The following MDC1 variants were observed in gnomAD, a reference collection of about 807,000 sequenced individuals.
The protein encoded by MDC1 is mediator of DNA damage checkpoint 1.
A neutral mutation model predicts 142.5 loss-of-function variants in MDC1; 81 were observed. That is an observed-to-expected ratio of 0.57 (90% confidence interval 0.47 to 0.68). The LOEUF (loss-of-function observed/expected upper bound fraction) is 0.68. Ranked by LOEUF, MDC1 falls within the 30% of genes least tolerant of loss-of-function variation. The pLI is 0.00. For synonymous variants in MDC1, 797 were observed against 968.4 expected, an observed-to-expected ratio of 0.82 and a Z score of 3.29; for missense variants, 2,119 against 2,547.9, an observed-to-expected ratio of 0.83 and a Z score of 3.62.
rs1775009805 is a variant in MDC1, at chr6:30,712,162, C to G, written c.1780G>C (p.Asp594His). 6.2e-7 allele frequency: 1 copy of G among 1,612,764 alleles called. No homozygotes were observed. The highest frequency in any genetic ancestry group is 1.3e-5 in the African/African-American group (1 of 75,074). The change falls in exon 5 of 15, where the codon GAT (aspartate) becomes CAT (histidine). Residue 594 changes from aspartate to histidine, a missense_variant. Coordinates refer to ENST00000376406, the MANE Select transcript of MDC1 (RefSeq NM_014641.3). This position sits in a 1 kb window ranked among gnomAD's most constrained non-coding sequence, Gnocchi z 4.7. Reference sequence around the variant, plus strand: ...GCTGGAAGCTGGCTCTTTCTTACATCTGCAACTACTGAGGCTGTTAGGGAG... The same window carrying G: ...GCTGGAAGCTGGCTCTTTCTTACATGTGCAACTACTGAGGCTGTTAGGGAG... ...GTSLTASVVA[D>H]VRKSQLPAEG...
chr6:30,709,647 A>G lies in MDC1; in HGVS notation c.2222-1290T>C, dbSNP rs1273215776. Among the ~76,000 whole-genome samples the G allele has an allele frequency of 2.0e-5, 3 of 152,086 alleles. No individual in the cohort carries two copies. The highest frequency in any genetic ancestry group is 4.4e-5 in the Non-Finnish European group (3 of 68,008). The stretch of plus-strand genomic sequence containing the variant: ...ACTGGATTTTTGTATTCATTAACCA[A>G]CCTCTTTATGCATTCTGTCCCTCTA... On this transcript the variant is annotated intron_variant, in intron 7 of 14. Coordinates refer to ENST00000376406, the MANE Select transcript of MDC1 (RefSeq NM_014641.3). This position sits in a 1 kb window ranked among gnomAD's most constrained non-coding sequence, Gnocchi z 4.2.
rs1013296954 is a variant in MDC1, at chr6:30,713,588, C to T, written c.587+60G>A. The T allele has an allele frequency of 6.6e-7, 1 of 1,526,412 alleles. No individual in the cohort carries two copies. Among genetic ancestry groups the T allele is most frequent in the Non-Finnish European group, 9.0e-7 (1 of 1,108,978 alleles). 94.6% of individuals were successfully genotyped at this position (1,526,412 alleles called of 1,614,324 possible). A position where few individuals can be genotyped will look rare whatever the true frequency, so the allele number is the denominator to read the frequency against. ...TAATCATCTCTTTTAGAGATTGATC[C>T]TCCAGCCCCTGGTTCTTCCTCATTT... On this transcript the variant is annotated intron_variant, in intron 4 of 14. Coordinates refer to ENST00000376406, the MANE Select transcript of MDC1 (RefSeq NM_014641.3). The surrounding 1 kb of genome is among the most constrained non-coding windows in gnomAD (Gnocchi z 4.9).
intron 9 of MDC1, among the ~76,000 whole-genome samples, chr6:30,706,656 T>G (rs1581570752): frequency 3.1e-4 from 33 of 107,542 alleles, no homozygotes; most frequent in South Asian, 9.1e-4. Context: ...ATTAGCTAGG[T>G]GTGTTGGCAG....
chr6:30,709,527 C>T lies in MDC1; in HGVS notation c.2222-1170G>A, dbSNP rs1400702677. Among the ~76,000 whole-genome samples, 2 of 152,228 alleles carry T rather than the reference C, an allele frequency of 1.3e-5. No homozygotes were observed. The highest frequency in any genetic ancestry group is 2.9e-5 in the Non-Finnish European group (2 of 68,036). ...TCATTTCTTTGTCTTGGAAACATAT[C>T]AAATCTCTTCTAGCTATTTTGAAAT... On this transcript the variant is annotated intron_variant, in intron 7 of 14. Coordinates refer to ENST00000376406, the MANE Select transcript of MDC1 (RefSeq NM_014641.3). This position sits in a 1 kb window ranked among gnomAD's most constrained non-coding sequence, Gnocchi z 4.2.
At position 30,712,712 on chromosome 6, in the gene MDC1, G is replaced by T; in HGVS notation, c.1230C>A (p.Val410=). 1 of 1,613,054 alleles carries T rather than the reference G, an allele frequency of 6.2e-7. No individual in the cohort carries two copies. The highest frequency in any genetic ancestry group is 1.1e-5 in the South Asian group (1 of 91,080). The change falls in exon 5 of 15, where the codon GTC becomes GTA. Residue 410 remains valine, a synonymous_variant. Coordinates refer to ENST00000376406, the MANE Select transcript of MDC1 (RefSeq NM_014641.3). The surrounding 1 kb of genome is among the most constrained non-coding windows in gnomAD (Gnocchi z 4.7). The part of the protein sequence containing the change: ...INSDTDDEEE[V]SAALTLAHLK... ...GATGTGCCAAAGTCAGCGCTGCTGA[G>T]ACTTCTTCCTCGTCATCTGTATCGC...
At position 30,702,609 on chromosome 6, in the gene MDC1, C is replaced by G; in HGVS notation, c.6046G>C (p.Glu2016Gln). 1 of 1,611,436 alleles carries G rather than the reference C, an allele frequency of 6.2e-7. No individual in the cohort carries two copies. The highest frequency in any genetic ancestry group is 8.5e-7 in the Non-Finnish European group (1 of 1,179,218). Residue 2016 changes from glutamate (E) to glutamine (Q), a missense_variant, in exon 14 of 15, where the codon GAG becomes CAG. Physicochemically the swap from Glu to Gln is conservative, Grantham distance 29. Coordinates refer to ENST00000376406, the MANE Select transcript of MDC1 (RefSeq NM_014641.3). The part of the protein sequence containing the change: ...GVQPPPPQMG[E>Q]IISCCGGTYL... Reference sequence around the variant, plus strand: ...GTGCCTCCACAGCAGCTAATAATCTCTCCCATCTGAGGTGGTGGTGGCTGG... The same window carrying G: ...GTGCCTCCACAGCAGCTAATAATCTGTCCCATCTGAGGTGGTGGTGGCTGG...
chr6:30,708,382 A>AGAGAGG (rs1342688555), intron 7 of MDC1, 25 bp from the exon 8 acceptor site: 1 of 1,583,120 alleles, frequency 6.3e-7, no homozygotes, highest in Non-Finnish European at 8.6e-7. Context: ...AGGAAGAGAG[A>AGAGAGG]GAGAGGGAGA....
At position 30,713,664 on chromosome 6, in the gene MDC1, C is replaced by G; in HGVS notation, c.571G>C (p.Val191Leu). 1 of 1,614,206 alleles carries G rather than the reference C, an allele frequency of 6.2e-7. No homozygotes were observed. The highest frequency in any genetic ancestry group is 8.5e-7 in the Non-Finnish European group (1 of 1,180,010). ...GGCACTCACCTCTCTGGAACTATCA[C>G]AGAGGAAGATGTGGTCCTTGATTTT... Reference protein sequence around the residue: ...VKKSRTTSSSVIVPESDEEGH... With the variant: ...VKKSRTTSSSLIVPESDEEGH... Residue 191 changes from valine to leucine, a missense_variant, in exon 4 of 15, where the codon GTG becomes CTG. Transcript: ENST00000376406. The surrounding 1 kb of genome is among the most constrained non-coding windows in gnomAD (Gnocchi z 4.9).
In MDC1 at chr6:30,709,970, G is replaced by A. The variant is rs769546167; in HGVS notation, c.2221+1442C>T. Among the ~76,000 whole-genome samples the A allele has an allele frequency of 6.6e-6, 1 of 150,668 alleles. No individual in the cohort carries two copies. The highest frequency in any genetic ancestry group is 1.5e-5 in the Non-Finnish European group (1 of 67,650). On this transcript the variant is annotated intron_variant, in intron 7 of 14. Transcript: ENST00000376406. The surrounding 1 kb of genome is among the most constrained non-coding windows in gnomAD (Gnocchi z 4.2). ...GACCTCAGCTCACTGCAACCTCTGCGTCTTAGGCAGCAATCCTCCCATCTT... is the reference window on the plus strand; with the variant it reads ...GACCTCAGCTCACTGCAACCTCTGCATCTTAGGCAGCAATCCTCCCATCTT...
rs1395319889 is a variant in MDC1 at position 30,715,217 on chromosome 6, G to C, written c.-3-39C>G. 6.2e-7 allele frequency: 1 copy of C among 1,611,394 alleles called. No individual in the cohort carries two copies. The highest frequency in any genetic ancestry group is 1.3e-5 in the African/African-American group (1 of 74,992). On this transcript the variant is annotated intron_variant, in intron 1 of 14. Coordinates refer to ENST00000376406, the MANE Select transcript of MDC1 (RefSeq NM_014641.3). This position sits in a 1 kb window ranked among gnomAD's most constrained non-coding sequence, Gnocchi z 4.1. The stretch of plus-strand genomic sequence containing the variant: ...ACATTATCAATTATCCTCATTATTG[G>C]TTCACACAAACAGCATCAGAGTTAT...
In MDC1 at chr6:30,711,673, G is replaced by A. The variant is rs1426178284; in HGVS notation, c.2122C>T (p.Leu708=). The A allele has an allele frequency of 6.2e-7, 1 of 1,612,918 alleles. No individual in the cohort carries two copies. The highest frequency in any genetic ancestry group is 8.5e-7 in the Non-Finnish European group (1 of 1,179,986). ...ATAACACAGAAGTCCTCACCTTCCA[G>A]GCCCTGATTCTCCAGAAAGCACTGG... ...ATQCFLENQG[L]EAVQSMEDEP... is the part of the protein sequence containing the mutation. The change falls in exon 6 of 15, where the codon CTG becomes TTG. Residue 708 remains leucine (L), a synonymous_variant. Coordinates refer to ENST00000376406, the MANE Select transcript of MDC1 (RefSeq NM_014641.3).
chr6:30,712,171 C>T lies in MDC1; in HGVS notation c.1771G>A (p.Val591Ile). The T allele has an allele frequency of 6.2e-7, 1 of 1,612,838 alleles. No individual in the cohort carries two copies. Among genetic ancestry groups the T allele is most frequent in the Non-Finnish European group, 8.5e-7 (1 of 1,180,006 alleles). ...AEEGTSLTAS[V>I]VADVRKSQLP... ...TGGCTCTTTCTTACATCTGCAACTA[C>T]TGAGGCTGTTAGGGAGGTGCCCTCC... is the stretch of plus-strand genomic sequence containing the variant. The change falls in exon 5 of 15, where the codon GTA (valine) becomes ATA (isoleucine). Residue 591 changes from valine to isoleucine, a missense_variant. Val to Ile is a conservative substitution (Grantham distance 29, BLOSUM62 3). Coordinates refer to ENST00000376406, the MANE Select transcript of MDC1 (RefSeq NM_014641.3). The surrounding 1 kb of genome is among the most constrained non-coding windows in gnomAD (Gnocchi z 4.7).
chr6:30,717,031 TC>T, intron 1 of MDC1: 1 of 452,336 alleles, frequency 2.2e-6, no homozygotes, highest in Non-Finnish European at 2.9e-6. Context: ...CCATCTTTGG[TC>T]CCCACCTCAG....
chr6:30,710,126 T>C (rs188414738), intron 7 of MDC1, among the ~76,000 whole-genome samples: 1 of 152,140 alleles, frequency 6.6e-6, no homozygotes. Flanking sequence ...TCTCACTCTG[T>C]TGCCCATGTT....
chr6:30,706,085 G>A lies in MDC1; in HGVS notation c.3098C>T (p.Ser1033Phe), dbSNP rs541015349. The A allele has an allele frequency of 5.1e-5, 81 of 1,587,272 alleles. No individual in the cohort carries two copies. The highest frequency in any genetic ancestry group is 3.1e-4 in the East Asian group (14 of 44,842). ...TGTAGGAGGCAGACAAGCATCTGGA[G>A]ATTCCTGATCGCCCTAGGGAGAAAC... ...AEKVSRGDQESPDACLPPTVP... is the reference protein window; with the variant it reads ...AEKVSRGDQEFPDACLPPTVP... Residue 1033 changes from serine to phenylalanine, a missense_variant, in exon 10 of 15, where the codon TCT (serine) becomes TTT (phenylalanine). Ser to Phe is a radical substitution (Grantham distance 155). Transcript: ENST00000376406.
chr6:30,711,420 T>C lies in MDC1; in HGVS notation c.2213A>G (p.Gln738Arg), dbSNP rs145055079. The C allele has an allele frequency of 5.2e-4, 844 of 1,612,924 alleles. 1 individual carries two copies. Among genetic ancestry groups the C allele is most frequent in the Non-Finnish European group, 6.7e-4 (788 of 1,179,884 alleles). Residue 738 changes from glutamine to arginine, a missense_variant, in exon 7 of 15, where the codon CAG becomes CGG. Coordinates refer to ENST00000376406, the MANE Select transcript of MDC1 (RefSeq NM_014641.3). ...GGAAGAGTTTCTTATACCTGTTGTC[T>C]GGAAGCTGCAATGGGAAGGGCCAAG... ...QELGPSHCSFQTTGTLDEPWE... is the reference protein window; with the variant it reads ...QELGPSHCSFRTTGTLDEPWE...
Position 30,713,459 on chromosome 6 carries a change from T to C in MDC1, c.588-105A>G. On this transcript the variant is annotated intron_variant, in intron 4 of 14. Transcript: ENST00000376406. The surrounding 1 kb of genome is among the most constrained non-coding windows in gnomAD (Gnocchi z 4.9). ...GGGAGACACAAGGTAGCATATTTCT[T>C]CTTCTGTTTCCAATTTGTTTTCCAC... 7.4e-7 allele frequency: 1 copy of C among 1,355,940 alleles called. No homozygotes were observed. Among genetic ancestry groups the C allele is most frequent in the South Asian group, 1.5e-5 (1 of 68,522 alleles). The allele number at this position is 1,355,940 out of a possible 1,614,324, so 84.0% of individuals were successfully genotyped here. A position where few individuals can be genotyped will look rare whatever the true frequency, so the allele number is the denominator to read the frequency against.
Position 30,711,962 on chromosome 6 carries a change from C to A in MDC1, c.1980G>T (p.Gln660His). The A allele has an allele frequency of 6.3e-7, 1 of 1,577,120 alleles. No individual in the cohort carries two copies. ...GGACCTGGGCTCCCTCTCTCTGTGGCTGGGTGGATTCCCCTAGAGTGTCTG... is the reference window on the plus strand; with the variant it reads ...GGACCTGGGCTCCCTCTCTCTGTGGATGGGTGGATTCCCCTAGAGTGTCTG... ...VDTDTLGEST[Q>H]PQREGAQVPT... Residue 660 changes from glutamine (Q) to histidine (H), a missense_variant, in exon 5 of 15, where the codon CAG becomes CAT. Coordinates refer to ENST00000376406, the MANE Select transcript of MDC1 (RefSeq NM_014641.3).
At chr6:30,701,862 A>G (rs1355237062) in intron 14 of MDC1, among the ~76,000 whole-genome samples, 1 of 152,204 alleles carries the variant, frequency 6.6e-6, no homozygotes, top group East Asian at 1.9e-4. Flanking sequence ...AGGAAGAAAT[A>G]ATATAATATT....
Sources: allele counts gnomAD v4.1 joint callset (sites outside exome capture counted in the v4.1 genomes callset), GRCh38; gene constraint gnomAD v4.1.1; non-coding constraint Gnocchi (gnomAD v3.1); transcripts MANE v1.5; gene names NCBI Gene and HGNC (gene_info 2026-07-23, HGNC 2026-07-21).